Variants in ERC1 observed in about 807,000 individuals in gnomAD.
ERC1 encodes the protein RAB6 interacting protein 2.
Under a neutral mutation model 132.0 loss-of-function variants are expected in ERC1, and 56 were observed. The observed-to-expected ratio is 0.42, with a 90% CI of 0.34 to 0.53. The LOEUF is 0.53. Among genes scored for constraint, ERC1 ranks in the 20% least tolerant of loss-of-function variants. The pLI is 0.03. For synonymous variants in ERC1, 478 were observed against 476.1 expected, an observed-to-expected ratio of 1.00 and a Z score of -0.05; for missense variants, 1,202 against 1,349.9, an observed-to-expected ratio of 0.89 and a Z score of 1.72.
intron 17 of ERC1, among the ~76,000 whole-genome samples, chr12:1,419,824 A>T (rs2092351364): frequency 6.6e-6 from 1 of 150,396 alleles, no homozygotes. Context: ...ACAATTTTAA[A>T]ACTTTCCTAA....
chr12:1,243,919 A>G (rs1053302962), intron 13 of ERC1, among the ~76,000 whole-genome samples: 5 of 152,208 alleles, frequency 3.3e-5, no homozygotes, highest in African/African-American at 1.2e-4. Flanking sequence ...ACGTATGGCC[A>G]TATTTATATT....
At chr12:992,742 T>G (rs1056161034) in intron 1 of ERC1, among the ~76,000 whole-genome samples, 1 of 152,254 alleles carries the variant, frequency 6.6e-6, no homozygotes, top group Non-Finnish European at 1.5e-5. Flanking sequence ...GATTACAGTA[T>G]TCTCTGGCCC....
At chr12:1,327,694 C>A (rs898449387) in intron 15 of ERC1, among the ~76,000 whole-genome samples, 6 of 152,308 alleles carry the variant, frequency 3.9e-5, no homozygotes, top group African/African-American at 1.4e-4. Context: ...AATATATGCT[C>A]ATGACGTCCA....
At chr12:1,041,151 A>G (rs1295156418) in intron 2 of ERC1, among the ~76,000 whole-genome samples, 1 of 152,146 alleles carries the variant, frequency 6.6e-6, no homozygotes, top group Non-Finnish European at 1.5e-5. Context: ...AATAAACCTA[A>G]TAAATGTTAT....
chr12:1,035,957 A>T (rs1317625366), intron 2 of ERC1, among the ~76,000 whole-genome samples: 5 of 149,192 alleles, frequency 3.4e-5, no homozygotes, highest in South Asian at 2.1e-4. Context: ...TTTTTTTTTT[A>T]AATTCTAAAC....
At chr12:1,198,591 A>T (rs1956564162) in intron 12 of ERC1, among the ~76,000 whole-genome samples, 1 of 152,100 alleles carries the variant, frequency 6.6e-6, no homozygotes, top group African/African-American at 2.4e-5. Context: ...ACCTCATTGT[A>T]TTAGTTCGTT....
chr12:1,298,131 A>T (rs2080106083), intron 15 of ERC1, among the ~76,000 whole-genome samples: 1 of 152,192 alleles, frequency 6.6e-6, no homozygotes, highest in Non-Finnish European at 1.5e-5. Flanking sequence ...AAAGAAAGAT[A>T]GATTACGAAG....
At chr12:1,340,796 C>T (rs2083762926) in intron 15 of ERC1, among the ~76,000 whole-genome samples, 1 of 152,036 alleles carries the variant, frequency 6.6e-6, no homozygotes. Context: ...GACAGAGTCT[C>T]TCCATATTGC....
chr12:1,108,126 C>T (rs1280692592), intron 4 of ERC1, among the ~76,000 whole-genome samples: 1 of 152,100 alleles, frequency 6.6e-6, no homozygotes, highest in Non-Finnish European at 1.5e-5. Flanking sequence ...ATTTTCTGGC[C>T]TGATTTCCTT....
chr12:1,475,104 T>C (rs1332580730), intron 18 of ERC1, among the ~76,000 whole-genome samples: 1 of 152,210 alleles, frequency 6.6e-6, no homozygotes, highest in Non-Finnish European at 1.5e-5. Flanking sequence ...GCCACCTTCG[T>C]ATCCTATACT....
chr12:1,319,554 TA>T (rs1244700858), intron 15 of ERC1, among the ~76,000 whole-genome samples: 2 of 152,226 alleles, frequency 1.3e-5, no homozygotes, highest in African/African-American at 4.8e-5. Context: ...TTCAAGTAAA[TA>T]AACAACCATT....
chr12:1,022,391 C>T (rs1966514184), intron 1 of ERC1, among the ~76,000 whole-genome samples: 1 of 152,140 alleles, frequency 6.6e-6, no homozygotes, highest in African/African-American at 2.4e-5. Context: ...GTGATTCTGG[C>T]TCAGGGTATG....
chr12:1,232,917 A>G (rs1344643068), intron 12 of ERC1, among the ~76,000 whole-genome samples: 2 of 152,162 alleles, frequency 1.3e-5, no homozygotes, highest in Admixed American at 1.3e-4. Context: ...CAATAGAAAA[A>G]TAATTAGAAT....
chr12:1,182,291 G>T (rs139894725), intron 10 of ERC1, among the ~76,000 whole-genome samples: 1 of 152,144 alleles, frequency 6.6e-6, no homozygotes, highest in Non-Finnish European at 1.5e-5. Context: ...TTTTATGTTG[G>T]TTTTTTACTT....
intron 17 of ERC1, among the ~76,000 whole-genome samples, chr12:1,433,681 G>A (rs148557861): frequency 2.0e-5 from 3 of 152,266 alleles, no homozygotes; most frequent in African/African-American, 7.2e-5. Context: ...ACAAGATGGC[G>A]GAGACTTTAC....
At chr12:1,123,345 C>T (rs1947794319) in intron 7 of ERC1, among the ~76,000 whole-genome samples, 1 of 151,734 alleles carries the variant, frequency 6.6e-6, no homozygotes, top group Admixed American at 6.6e-5. Flanking sequence ...CATGTGGACA[C>T]CATGAAAAAG....
intron 13 of ERC1, among the ~76,000 whole-genome samples, chr12:1,242,526 A>G (rs376933713): frequency 1.3e-5 from 2 of 152,258 alleles, no homozygotes; most frequent in South Asian, 4.1e-4. Context: ...CCATAAAAAG[A>G]TGAAAAAAGT....
chr12:1,210,153 A>T (rs1173631373), intron 12 of ERC1, among the ~76,000 whole-genome samples: 3 of 152,240 alleles, frequency 2.0e-5, no homozygotes, highest in African/African-American at 4.8e-5. Context: ...AGAACTATTG[A>T]GTTGGCTTCT....
In ERC1 at chr12:1,444,594, T is replaced by C. The variant is rs2093251341; in HGVS notation, c.3057T>C (p.Asn1019=). Residue 1019 remains asparagine, a synonymous_variant, in exon 18 of 19, where the codon AAT becomes AAC. Transcript: ENST00000360905. ...AGCCCCTCTTAGAACTTGACCAAAATAGAAGTAAATTAAAGTTGTACATTG... is the reference window on the plus strand; with the variant it reads ...AGCCCCTCTTAGAACTTGACCAAAACAGAAGTAAATTAAAGTTGTACATTG... ...IIQPLLELDQ[N]RSKLKLYIGH... 1.2e-6 allele frequency: 2 copies of C among 1,613,202 alleles called. No homozygotes were observed. Among genetic ancestry groups the C allele is most frequent in the South Asian group, 2.2e-5 (2 of 90,946 alleles).
Sources: allele counts gnomAD v4.1 joint callset (sites outside exome capture counted in the v4.1 genomes callset), GRCh38; gene constraint gnomAD v4.1.1; transcripts MANE v1.5; gene names NCBI Gene and HGNC (gene_info 2026-07-23, HGNC 2026-07-21).